Variants in LDOC1 observed in about 807,000 individuals in gnomAD.
The protein encoded by LDOC1 is LDOC1 regulator of NFKB signaling, also known as protein LDOC1.
Under a neutral mutation model 4.9 loss-of-function variants are expected in LDOC1, and 1 was observed. That is an observed-to-expected ratio of 0.20 (90% CI 0.07 to 0.96). The LOEUF is 0.96. Among genes scored for constraint, LDOC1 ranks in the 40% least tolerant of loss-of-function variants. The pLI, the probability that LDOC1 is intolerant of heterozygous loss-of-function variation, is 0.62. For missense variants in LDOC1, 76 were observed against 128.1 expected, an observed-to-expected ratio of 0.59 and a Z score of 1.96; for synonymous variants, 55 against 58.3, an observed-to-expected ratio of 0.94 and a Z score of 0.26.
chrX:141,176,032 T>G lies in LDOC1; in HGVS notation c.*549A>C, dbSNP rs1220472496. On this transcript the variant is annotated 3_prime_UTR_variant, in exon 1 of 1. Coordinates refer to ENST00000370526, the MANE Select transcript of LDOC1 (RefSeq NM_012317.4). ...GGAGTAGGTAGAAAACTAACCAGGC[T>G]GAACGGCCCCTTCAGGGGTTGGTGA... The G allele has an allele frequency of 8.5e-6, 1 of 117,640 alleles. No individual in the cohort carries two copies. Among genetic ancestry groups the G allele is most frequent in the African/African-American group, 3.2e-5 (1 of 30,983 alleles). The allele number at this position is 117,640 out of a possible 1,213,427, so 9.7% of individuals were successfully genotyped here.
Position 141,176,559 on chromosome X carries a change from C to G in LDOC1, c.*22G>C, listed in dbSNP as rs373556856. On this transcript the variant is annotated 3_prime_UTR_variant, in exon 1 of 1. Transcript: ENST00000370526. ...GTGGCGGCGTGCAGGGCCCTCCCCCCCGAGGCCCGAGGGTCGAGGGCCTAA... is the reference window on the plus strand; with the variant it reads ...GTGGCGGCGTGCAGGGCCCTCCCCCGCGAGGCCCGAGGGTCGAGGGCCTAA... 28 of 1,181,498 alleles carry G rather than the reference C, an allele frequency of 2.4e-5. No individual in the cohort carries two copies. The highest frequency in any genetic ancestry group is 5.3e-5 in the African/African-American group (3 of 56,319).
Position 141,175,850 on chromosome X carries a change from A to G in LDOC1, c.*731T>C. ...CTTGTTTGTTTTGTTTTTAAGTACT[A>G]TTTGTCCAAATGCACACATCTGTGG... is the stretch of plus-strand genomic sequence containing the variant. On this transcript the variant is annotated 3_prime_UTR_variant, in exon 1 of 1. Transcript: ENST00000370526. 1 of 112,733 alleles carries G rather than the reference A, an allele frequency of 8.9e-6. No individual in the cohort carries two copies. Among genetic ancestry groups the G allele is most frequent in the Non-Finnish European group, 1.9e-5 (1 of 53,370 alleles). The allele number at this position is 112,733 out of a possible 1,213,427, so 9.3% of individuals were successfully genotyped here. A position where few individuals can be genotyped will look rare whatever the true frequency, so the allele number is the denominator to read the frequency against.
rs1424615371 is a variant in LDOC1, at chrX:141,176,006, CG to C, written c.*574del. 3 of 115,695 alleles carry C rather than the reference CG, an allele frequency of 2.6e-5. No individual in the cohort carries two copies. Among genetic ancestry groups the C allele is most frequent in the Non-Finnish European group, 5.4e-5 (3 of 55,111 alleles). 9.5% of individuals were successfully genotyped at this position (115,695 alleles called of 1,213,427 possible). Reference sequence around the variant, plus strand: ...ATCTGGTGGGGCAGGGGAGGACACTCGGAGTAGGTAGAAAACTAACCAGGCT... The same window carrying C: ...ATCTGGTGGGGCAGGGGAGGACACTCGAGTAGGTAGAAAACTAACCAGGCT... On this transcript the variant is annotated 3_prime_UTR_variant, in exon 1 of 1. Transcript: ENST00000370526.
Position 141,176,869 on chromosome X carries a change from C to T in LDOC1, c.153G>A (p.Val51=). 1.7e-6 allele frequency: 2 copies of T among 1,211,777 alleles called. No individual in the cohort carries two copies. Among genetic ancestry groups the T allele is most frequent in the Non-Finnish European group, 2.2e-6 (2 of 895,521 alleles). ...CGCCATTAAACGTTTCGGGGAAGGG[C>T]ACCGGGCAGCTCGGCGGACGTACCT... ...LRQVRPPSCP[V]PFPETFNGES... Residue 51 remains valine (V), a synonymous_variant, in exon 1 of 1, where the codon GTG becomes GTA. Coordinates refer to ENST00000370526, the MANE Select transcript of LDOC1 (RefSeq NM_012317.4).
At position 141,176,865 on chromosome X, in the gene LDOC1, AG is replaced by A; in HGVS notation, c.156del (p.Phe53SerfsTer25). ...RQVRPPSCPV[P>X]FPETFNGESS... ...CTCTCGCCATTAAACGTTTCGGGGAAGGGCACCGGGCAGCTCGGCGGACGTA... is the reference window on the plus strand; with the variant it reads ...CTCTCGCCATTAAACGTTTCGGGGAAGGCACCGGGCAGCTCGGCGGACGTA... On this transcript the variant is annotated frameshift_variant, in exon 1 of 1. Coordinates refer to ENST00000370526, the MANE Select transcript of LDOC1 (RefSeq NM_012317.4). LOFTEE classifies it high-confidence loss of function. 8.3e-7 allele frequency: 1 copy of A among 1,211,692 alleles called. No homozygotes were observed. Among genetic ancestry groups the A allele is most frequent in the Non-Finnish European group, 1.1e-6 (1 of 895,478 alleles).
Position 141,176,488 on chromosome X carries a change from G to A in LDOC1, c.*93C>T. On this transcript the variant is annotated 3_prime_UTR_variant, in exon 1 of 1. Transcript: ENST00000370526. ...GGTAGGTAAGGGGACCGGAGGGCAA[G>A]GGGGAGAGCAGTGGCTCCTGGCGGG... The A allele has an allele frequency of 9.2e-7, 1 of 1,088,315 alleles. No individual in the cohort carries two copies. The highest frequency in any genetic ancestry group is 1.2e-6 in the Non-Finnish European group (1 of 824,211). 89.7% of individuals were successfully genotyped at this position (1,088,315 alleles called of 1,213,427 possible).
At position 141,176,590 on chromosome X, in the gene LDOC1, ATCC is replaced by A. The variant is rs2013619090; in HGVS notation, c.429_431del (p.Glu143del). 6 of 1,206,445 alleles carry A rather than the reference ATCC, an allele frequency of 5.0e-6. No homozygotes were observed. Among genetic ancestry groups the A allele is most frequent in the South Asian group, 3.5e-5 (2 of 56,498 alleles). ...CCCGAGGGTCGAGGGCCTAATAATC[ATCC>A]TCCTCTTCTTCGTCGTCGTCGTCTT... On this transcript the variant is annotated inframe_deletion, in exon 1 of 1. Transcript: ENST00000370526.
At position 141,173,501 on chromosome X, in the gene LDOC1, G is replaced by A. The variant is rs781829295; in HGVS notation, c.*3080C>T. ...ATCATGAATTCCTCCCTGGGTGGTG[G>A]AGCCCTTGCCAGTATCTGCGCTTTT... On this transcript the variant is annotated 3_prime_UTR_variant, in exon 1 of 1. Coordinates refer to ENST00000370526, the MANE Select transcript of LDOC1 (RefSeq NM_012317.4). 3 of 111,002 alleles carry A rather than the reference G, an allele frequency of 2.7e-5. No homozygotes were observed. The highest frequency in any genetic ancestry group is 5.7e-5 in the Non-Finnish European group (3 of 53,051). The allele number at this position is 111,002 out of a possible 1,213,427, so 9.1% of individuals were successfully genotyped here.
Position 141,177,049 on chromosome X carries a change from G to A in LDOC1, c.-28C>T. On this transcript the variant is annotated 5_prime_UTR_variant, in exon 1 of 1. Coordinates refer to ENST00000370526, the MANE Select transcript of LDOC1 (RefSeq NM_012317.4). ...CGAACGGCCTGGAAGGACAGGACTCGGCTCGGTTCGGCTCGGCCAAGGTGC... is the reference window on the plus strand; with the variant it reads ...CGAACGGCCTGGAAGGACAGGACTCAGCTCGGTTCGGCTCGGCCAAGGTGC... The A allele has an allele frequency of 3.4e-6, 4 of 1,170,593 alleles. No homozygotes were observed. The highest frequency in any genetic ancestry group is 2.0e-5 in the South Asian group (1 of 50,760).
In LDOC1 at chrX:141,174,460, G is replaced by C. The variant is rs182744451; in HGVS notation, c.*2121C>G. Among the ~76,000 whole-genome samples the C allele has an allele frequency of 9.0e-6, 1 of 111,646 alleles. No individual in the cohort carries two copies. The highest frequency in any genetic ancestry group is 2.8e-4 in the East Asian group (1 of 3,523). ...CATATAAGACTCCAAAAAGTAAATGGGGTCTTATCATGCTCTCATTTCCAT... is the reference window on the plus strand; with the variant it reads ...CATATAAGACTCCAAAAAGTAAATGCGGTCTTATCATGCTCTCATTTCCAT... On this transcript the variant is annotated 3_prime_UTR_variant, in exon 1 of 1. Transcript: ENST00000370526.
chrX:141,174,018 G>T lies in LDOC1; in HGVS notation c.*2563C>A, dbSNP rs1223012839. Reference sequence around the variant, plus strand: ...AGCATAACTGGGCCATAATCAGTTTGGAATAAATGACTTTTGGTCTCACTG... The same window carrying T: ...AGCATAACTGGGCCATAATCAGTTTTGAATAAATGACTTTTGGTCTCACTG... On this transcript the variant is annotated 3_prime_UTR_variant, in exon 1 of 1. Transcript: ENST00000370526. Among the ~76,000 whole-genome samples, 1 of 111,996 alleles carries T rather than the reference G, an allele frequency of 8.9e-6. No homozygotes were observed. Among genetic ancestry groups the T allele is most frequent in the African/African-American group, 3.2e-5 (1 of 30,815 alleles).
Position 141,176,539 on chromosome X carries a change from G to A in LDOC1, c.*42C>T. On this transcript the variant is annotated 3_prime_UTR_variant, in exon 1 of 1. Transcript: ENST00000370526. ...GTGAGGGCTGCGGGGAGGGGGTGGC[G>A]GCGTGCAGGGCCCTCCCCCCCGAGG... 8.6e-7 allele frequency: 1 copy of A among 1,161,655 alleles called. No homozygotes were observed. The highest frequency in any genetic ancestry group is 1.2e-6 in the Non-Finnish European group (1 of 868,525).
rs2013606063 is a variant in LDOC1 at position 141,175,471 on chromosome X, A to G, written c.*1110T>C. Reference sequence around the variant, plus strand: ...GCCTATTGTTATGGTCTAATTATTAATACTGCTCTCTTTGCCGTCTGCTCA... The same window carrying G: ...GCCTATTGTTATGGTCTAATTATTAGTACTGCTCTCTTTGCCGTCTGCTCA... On this transcript the variant is annotated 3_prime_UTR_variant, in exon 1 of 1. Coordinates refer to ENST00000370526, the MANE Select transcript of LDOC1 (RefSeq NM_012317.4). Among the ~76,000 whole-genome samples the G allele has an allele frequency of 8.9e-6, 1 of 112,136 alleles. No homozygotes were observed. The highest frequency in any genetic ancestry group is 3.2e-5 in the African/African-American group (1 of 30,813).
chrX:141,174,773 G>A lies in LDOC1; in HGVS notation c.*1808C>T, dbSNP rs1556282843. 8.9e-6 allele frequency among the ~76,000 whole-genome samples: 1 copy of A among 112,321 alleles called. No homozygotes were observed. Among genetic ancestry groups the A allele is most frequent in the Non-Finnish European group, 1.9e-5 (1 of 53,295 alleles). ...ATCTTGCCTCAAAAGGCCTTAAACAGTACGGAAATGTGTTATCTAAATTAA... is the reference window on the plus strand; with the variant it reads ...ATCTTGCCTCAAAAGGCCTTAAACAATACGGAAATGTGTTATCTAAATTAA... On this transcript the variant is annotated 3_prime_UTR_variant, in exon 1 of 1. Transcript: ENST00000370526.
In LDOC1 at chrX:141,174,529, T is replaced by C. The variant is rs1556282804; in HGVS notation, c.*2052A>G. 8.9e-6 allele frequency among the ~76,000 whole-genome samples: 1 copy of C among 112,101 alleles called. No individual in the cohort carries two copies. Among genetic ancestry groups the C allele is most frequent in the Non-Finnish European group, 1.9e-5 (1 of 53,261 alleles). On this transcript the variant is annotated 3_prime_UTR_variant, in exon 1 of 1. Coordinates refer to ENST00000370526, the MANE Select transcript of LDOC1 (RefSeq NM_012317.4). Reference sequence around the variant, plus strand: ...GCTCCTCTTCACGCTGACATTTTCCTACTAAAGCCAGGCTCAGAGTCAGAG... The same window carrying C: ...GCTCCTCTTCACGCTGACATTTTCCCACTAAAGCCAGGCTCAGAGTCAGAG...
rs782243736 is a variant in LDOC1 at position 141,175,728 on chromosome X, C to T, written c.*853G>A. 1.8e-5 allele frequency: 2 copies of T among 112,347 alleles called. No individual in the cohort carries two copies. Among genetic ancestry groups the T allele is most frequent in the Admixed American group, 1.9e-4 (2 of 10,633 alleles). 9.3% of individuals were successfully genotyped at this position (112,347 alleles called of 1,213,427 possible). A position where few individuals can be genotyped will look rare whatever the true frequency, so the allele number is the denominator to read the frequency against. The stretch of plus-strand genomic sequence containing the variant: ...GGTAGAGGCCAGTGATAGCACTTAA[C>T]CATTAAAAGACAATCATTTCTTTTT... On this transcript the variant is annotated 3_prime_UTR_variant, in exon 1 of 1. Coordinates refer to ENST00000370526, the MANE Select transcript of LDOC1 (RefSeq NM_012317.4).
chrX:141,176,967 G>A lies in LDOC1; in HGVS notation c.55C>T (p.Leu19=). 1 of 1,210,480 alleles carries A rather than the reference G, an allele frequency of 8.3e-7. No individual in the cohort carries two copies. Reference sequence around the variant, plus strand: ...ATGAGCTGGCTGTTCTCGATGCTCAGGGCGCGGTGCCGCATCAGGAGCGCG... The same window carrying A: ...ATGAGCTGGCTGTTCTCGATGCTCAAGGCGCGGTGCCGCATCAGGAGCGCG... ...LHALLMRHRA[L]SIENSQLMEQ... The change falls in exon 1 of 1, where the codon CTG becomes TTG. Residue 19 remains leucine (L), a synonymous_variant. Coordinates refer to ENST00000370526, the MANE Select transcript of LDOC1 (RefSeq NM_012317.4).
chrX:141,175,567 T>A lies in LDOC1; in HGVS notation c.*1014A>T, dbSNP rs1346527623. 9.0e-6 allele frequency among the ~76,000 whole-genome samples: 1 copy of A among 111,484 alleles called. No homozygotes were observed. The highest frequency in any genetic ancestry group is 1.9e-5 in the Non-Finnish European group (1 of 53,116). ...CTTTGCCAGGGCTTTAAGAAATGCG[T>A]TGGTGAAGGGAGCATCAGAACCCTG... On this transcript the variant is annotated 3_prime_UTR_variant, in exon 1 of 1. Transcript: ENST00000370526.
chrX:141,176,171 G>A lies in LDOC1; in HGVS notation c.*410C>T. ...GGATGTGGTGAGTGGATGTGAAGTG[G>A]CAGCATAGTTCTCTGGGAAGATGTA... On this transcript the variant is annotated 3_prime_UTR_variant, in exon 1 of 1. Coordinates refer to ENST00000370526, the MANE Select transcript of LDOC1 (RefSeq NM_012317.4). 1 of 184,969 alleles carries A rather than the reference G, an allele frequency of 5.4e-6. No homozygotes were observed. The highest frequency in any genetic ancestry group is 1.0e-5 in the Non-Finnish European group (1 of 98,475). 15.2% of individuals were successfully genotyped at this position (184,969 alleles called of 1,213,427 possible). A position where few individuals can be genotyped will look rare whatever the true frequency, so the allele number is the denominator to read the frequency against.
Sources: allele counts gnomAD v4.1 joint callset (sites outside exome capture counted in the v4.1 genomes callset), GRCh38; gene constraint gnomAD v4.1.1; transcripts MANE v1.5; gene names NCBI Gene and HGNC (gene_info 2026-07-23, HGNC 2026-07-21).